The following TRAPPC10 variants were observed in gnomAD, a reference collection of about 807,000 sequenced individuals.
TRAPPC10 encodes trafficking protein particle complex subunit 10, also known as TRAPP 130 kDa subunit.
A neutral mutation model predicts 125.5 loss-of-function variants in TRAPPC10; 23 were observed. That is an observed-to-expected ratio of 0.18 (90% CI 0.13 to 0.26). The LOEUF (loss-of-function observed/expected upper bound fraction) is 0.26, where lower values mean the gene tolerates loss of function less well. Ranked by LOEUF, TRAPPC10 falls within the 10% of genes least tolerant of loss-of-function variation. The pLI, the probability that TRAPPC10 is intolerant of heterozygous loss-of-function variation, is 1.00. For missense variants in TRAPPC10, 1,123 were observed against 1,308.4 expected, an observed-to-expected ratio of 0.86 and a Z score of 2.19; for synonymous variants, 509 against 518.0, an observed-to-expected ratio of 0.98 and a Z score of 0.24.
At chr21:44,061,732 A>G (rs1002450003) in intron 6 of TRAPPC10, among the ~76,000 whole-genome samples, 1 of 152,142 alleles carries the variant, frequency 6.6e-6, no homozygotes, top group Admixed American at 6.5e-5. Flanking sequence ...TTCATGGAGA[A>G]CTCCTTTGAA....
chr21:44,047,565 T>TGTGTGTGTGTGTGTGTGCGCGC (rs954810521), intron 3 of TRAPPC10, among the ~76,000 whole-genome samples: 60 of 147,192 alleles, frequency 4.1e-4, no homozygotes, highest in African/African-American at 1.4e-3. Context: ...TGTGTGTGTG[T>TGTGTGTGTGTGTGTGTGCGCGC]GCGCGCACAC....
chr21:44,041,182 T>TG (rs2034388256), intron 3 of TRAPPC10, among the ~76,000 whole-genome samples: 1 of 152,238 alleles, frequency 6.6e-6, no homozygotes, highest in African/African-American at 2.4e-5. Context: ...TATGTAGCAC[T>TG]GGCGCTACCT....
chr21:44,050,332 A>G (rs2145824357), intron 3 of TRAPPC10, among the ~76,000 whole-genome samples: 1 of 151,276 alleles, frequency 6.6e-6, no homozygotes, highest in East Asian at 2.0e-4. Context: ...GAGCTGCTCT[A>G]ATGTCCCCTT....
rs746836367 is a variant in TRAPPC10 at position 44,086,955 on chromosome 21, C to T, written c.2534C>T (p.Thr845Met). Reference sequence around the variant, plus strand: ...AGCAGGGCTGTGGTCTACTCCAACACGAGAGGTGAGGTGCCGCCCACCCAG... The same window carrying T: ...AGCAGGGCTGTGGTCTACTCCAACATGAGAGGTGAGGTGCCGCCCACCCAG... ...AESRAVVYSN[T>M]REQSSEAALR... The change falls in exon 16 of 23, where the codon ACG (threonine) becomes ATG (methionine). Residue 845 changes from threonine (T) to methionine (M), a missense_variant. Thr to Met is a moderately conservative substitution (Grantham distance 81, BLOSUM62 -1). Coordinates refer to ENST00000291574, the MANE Select transcript of TRAPPC10 (RefSeq NM_003274.5). 3.2e-5 allele frequency: 52 copies of T among 1,613,876 alleles called. No homozygotes were observed. The highest frequency in any genetic ancestry group is 3.3e-4 in the Middle Eastern group (2 of 6,062).
intron 1 of TRAPPC10, among the ~76,000 whole-genome samples, chr21:44,029,109 T>G (rs2033341950): frequency 1.3e-5 from 2 of 152,248 alleles, no homozygotes. Flanking sequence ...TTGTTTGTTT[T>G]TTTGAGACGG....
At chr21:44,041,252 T>G (rs1441403896) in intron 3 of TRAPPC10, among the ~76,000 whole-genome samples, 1 of 152,242 alleles carries the variant, frequency 6.6e-6, no homozygotes, top group Non-Finnish European at 1.5e-5. Flanking sequence ...TTTTTGTAAC[T>G]CTTTGATGAA....
intron 1 of TRAPPC10, among the ~76,000 whole-genome samples, chr21:44,023,583 A>T (rs1365146253): frequency 6.6e-6 from 1 of 152,174 alleles, no homozygotes; most frequent in African/African-American, 2.4e-5. Flanking sequence ...CTAGCCTGAC[A>T]AGATGTTCCG....
chr21:44,048,299 G>A (rs566200870), intron 3 of TRAPPC10, among the ~76,000 whole-genome samples: 2 of 152,270 alleles, frequency 1.3e-5, no homozygotes, highest in East Asian at 3.9e-4. Context: ...AACTCAGGGA[G>A]TCTGCCAGCT....
chr21:44,054,096 T>C (rs2035404735), intron 4 of TRAPPC10, among the ~76,000 whole-genome samples: 1 of 152,180 alleles, frequency 6.6e-6, no homozygotes, highest in Non-Finnish European at 1.5e-5. Context: ...TAAATGTTGG[T>C]AATTATAATC....
chr21:44,062,896 G>A (rs1398773715), intron 6 of TRAPPC10: 3 of 985,204 alleles, frequency 3.0e-6, no homozygotes, highest in Admixed American at 6.2e-5. Context: ...AATGATTGAT[G>A]GACTTGTTAT....
chr21:44,039,689 A>AC (rs2034276091), intron 3 of TRAPPC10, among the ~76,000 whole-genome samples: 1 of 152,052 alleles, frequency 6.6e-6, no homozygotes, highest in African/African-American at 2.4e-5. Flanking sequence ...AGATGGTGAA[A>AC]CCCCGTCTCT....
At chr21:44,075,757 T>A (rs948515760) in intron 9 of TRAPPC10, among the ~76,000 whole-genome samples, 10 of 152,172 alleles carry the variant, frequency 6.6e-5, no homozygotes, top group South Asian at 2.1e-4. Context: ...GCAAATTTTT[T>A]AAAATAAATT....
In TRAPPC10 at chr21:44,062,403, G is replaced by A. The variant is rs551490794; in HGVS notation, c.791-1135G>A. The A allele has an allele frequency of 1.8e-5, 5 of 285,152 alleles. No individual in the cohort carries two copies. The East Asian group carries it at 5.2e-4, about 30-fold the overall frequency. The allele number at this position is 285,152 out of a possible 1,614,324, so 17.7% of individuals were successfully genotyped here. On this transcript the variant is annotated intron_variant, in intron 6 of 22. Transcript: ENST00000291574. ...CTGTCCATAATAGTAAGTTTGGGCCGTAGAAAGGGGCTCAGGTGAGAGATG... is the reference window on the plus strand; with the variant it reads ...CTGTCCATAATAGTAAGTTTGGGCCATAGAAAGGGGCTCAGGTGAGAGATG...
intron 3 of TRAPPC10, among the ~76,000 whole-genome samples, chr21:44,051,587 C>T (rs2035235427): frequency 6.6e-6 from 1 of 152,200 alleles, no homozygotes; most frequent in Non-Finnish European, 1.5e-5. Context: ...CTGGCAGGCT[C>T]ATGCTTGGGC....
chr21:44,086,899 C>T lies in TRAPPC10; in HGVS notation c.2478C>T (p.Ala826=), dbSNP rs1326195529. 10 of 1,614,050 alleles carry T rather than the reference C, an allele frequency of 6.2e-6. No individual in the cohort carries two copies. Among genetic ancestry groups the T allele is most frequent in the African/African-American group, 5.3e-5 (4 of 74,926 alleles). The change falls in exon 16 of 23, where the codon GCC becomes GCT. Residue 826 remains alanine (A), a synonymous_variant. Transcript: ENST00000291574. ...GAGACAGCCTGCAGCTTAGCAATGC[C>T]GAAGCCATGCTCATCCTGTGCCAGG... The part of the protein sequence containing the change: ...KNGDSLQLSN[A]EAMLILCQAE...
chr21:44,041,564 G>T (rs182250991), intron 3 of TRAPPC10, among the ~76,000 whole-genome samples: 1 of 151,702 alleles, frequency 6.6e-6, no homozygotes, highest in Non-Finnish European at 1.5e-5. Flanking sequence ...TGGAGACGGG[G>T]TTTCTCCATG....
intron 1 of TRAPPC10, among the ~76,000 whole-genome samples, 159 bp from the exon 2 acceptor site, chr21:44,031,931 CT>C (rs2033611729): frequency 6.6e-6 from 1 of 152,186 alleles, no homozygotes; most frequent in Non-Finnish European, 1.5e-5. Flanking sequence ...CTGGGTTTTC[CT>C]GAGACGTGTT....
At chr21:44,039,812 C>T (rs562816909) in intron 3 of TRAPPC10, among the ~76,000 whole-genome samples, 6 of 152,200 alleles carry the variant, frequency 3.9e-5, no homozygotes, top group Admixed American at 3.3e-4. Flanking sequence ...TGCAGTGAGC[C>T]GAGATCGTGC....
At position 44,015,904 on chromosome 21, in the gene TRAPPC10, G is replaced by A. The variant is rs377448991; in HGVS notation, c.67+3344G>A. 1.7e-4 allele frequency among the ~76,000 whole-genome samples: 26 copies of A among 152,250 alleles called. No individual in the cohort carries two copies. The South Asian group carries it at 5.0e-3, about 29-fold the overall frequency. ...GCTGGGATTACAGGCGTGAGCCCCC[G>A]CACCTGGCCCTAAATGTTTTAATAG... On this transcript the variant is annotated intron_variant, in intron 1 of 22. Transcript: ENST00000291574.
Sources: allele counts gnomAD v4.1 joint callset (sites outside exome capture counted in the v4.1 genomes callset), GRCh38; gene constraint gnomAD v4.1.1; transcripts MANE v1.5; gene names NCBI Gene and HGNC (gene_info 2026-07-23, HGNC 2026-07-21).